CEP43: variants seen among roughly 807,000 people sequenced by gnomAD.
CEP43 encodes FGFR1 oncogene partner.
CEP43 carries 36 observed loss-of-function variants against 52.6 expected under a neutral mutation model. The ratio of observed to expected loss-of-function variants is 0.68; its 90% CI spans 0.52 to 0.90. The LOEUF is 0.90. Among genes scored for constraint, CEP43 ranks in the 40% least tolerant of loss-of-function variants. CEP43 has a pLI of 0.00. For missense variants in CEP43, 506 were observed against 472.8 expected, an observed-to-expected ratio of 1.07 and a Z score of -0.65; for synonymous variants, 192 against 172.4, an observed-to-expected ratio of 1.11 and a Z score of -0.89.
In CEP43 at chr6:167,022,603, T is replaced by G; in HGVS notation, c.774T>G (p.Asp258Glu). 6.2e-7 allele frequency: 1 copy of G among 1,614,060 alleles called. No individual in the cohort carries two copies. Among genetic ancestry groups the G allele is most frequent in the Non-Finnish European group, 8.5e-7 (1 of 1,179,904 alleles). The stretch of plus-strand genomic sequence containing the variant: ...TGGAAGGAGATTCTTTCTTTGATGA[T>G]CCCATTCCTAAGCCAGAGAAAACTT... The part of the protein sequence containing the change: ...DDMEGDSFFD[D>E]PIPKPEKTYG... The change falls in exon 8 of 13, where the codon GAT (aspartate) becomes GAG (glutamate). Residue 258 changes from aspartate to glutamate, a missense_variant. Coordinates refer to ENST00000366847, the MANE Select transcript of CEP43 (RefSeq NM_007045.4).
chr6:167,033,885 C>T lies in CEP43; in HGVS notation c.1039C>T (p.Arg347Cys), dbSNP rs759945438. The part of the protein sequence containing the change: ...YVDDFNSTSH[R>C]SEKSEISIGE... ...CCCTTCTGAAATTAGTACCAGCCAT[C>T]GCTCAGAGAAAAGTGAGATAAGTAT... The change falls in exon 12 of 13, where the codon CGC becomes TGC. Residue 347 changes from arginine (R) to cysteine (C), a missense_variant. Arg to Cys is a radical substitution (Grantham distance 180). Coordinates refer to ENST00000366847, the MANE Select transcript of CEP43 (RefSeq NM_007045.4). 10 of 1,567,284 alleles carry T rather than the reference C, an allele frequency of 6.4e-6. No homozygotes were observed. The highest frequency in any genetic ancestry group is 2.7e-5 in the African/African-American group (2 of 73,220).
chr6:167,026,454 A>T, intron 9 of CEP43, 93 bp from the exon 10 acceptor site: 3 of 760,240 alleles, frequency 3.9e-6, no homozygotes, highest in Admixed American at 2.0e-5. Context: ...TGTCATAAAG[A>T]AGCCCCATAT....
intron 8 of CEP43, 150 bp from the exon 9 acceptor site, chr6:167,024,632 T>C (rs571644652): frequency 2.0e-5 from 13 of 643,626 alleles, no homozygotes; most frequent in Non-Finnish European, 3.0e-5. Context: ...TGGTGTACTT[T>C]ATGGTTTTGA....
intron 10 of CEP43, among the ~76,000 whole-genome samples, chr6:167,028,837 G>A (rs931239730): frequency 6.6e-6 from 1 of 152,116 alleles, no homozygotes; most frequent in African/African-American, 2.4e-5. Flanking sequence ...TCATTTCAAT[G>A]GGAACATAAA....
chr6:167,013,596 G>A (rs764924584), intron 7 of CEP43, 29 bp downstream of exon 7: 1 of 1,600,912 alleles, frequency 6.2e-7, no homozygotes, highest in Non-Finnish European at 8.6e-7. Context: ...GAGGAGAAAA[G>A]CAGCCTGTGG....
At chr6:167,015,726 CT>C (rs1780082021) in intron 7 of CEP43, among the ~76,000 whole-genome samples, 1 of 152,084 alleles carries the variant, frequency 6.6e-6, no homozygotes, top group Non-Finnish European at 1.5e-5. Flanking sequence ...ACCCTTGGCA[CT>C]TTCTTCAGGG....
At chr6:167,018,788 AC>A (rs373630993) in intron 7 of CEP43, among the ~76,000 whole-genome samples, 5 of 152,314 alleles carry the variant, frequency 3.3e-5, no homozygotes, top group African/African-American at 9.6e-5. Context: ...TCCAGGTGAT[AC>A]AAAACCCAAG....
At chr6:166,999,829 G>C (rs1035549981) in intron 1 of CEP43, 1 of 561,222 alleles carries the variant, frequency 1.8e-6, no homozygotes, top group Non-Finnish European at 3.1e-6. Context: ...TGCGGCCCCA[G>C]CGTCTCTTCC....
At chr6:167,000,990 G>T (rs1779722232) in intron 2 of CEP43, among the ~76,000 whole-genome samples, 1 of 152,224 alleles carries the variant, frequency 6.6e-6, no homozygotes, top group Non-Finnish European at 1.5e-5. Context: ...AACCTGGTTA[G>T]GTCCTGAGCA....
Position 167,043,614 on chromosome 6 carries a change from C to T in CEP43, c.*3636C>T, listed in dbSNP as rs1343326505. The T allele has an allele frequency of 6.6e-6, 1 of 151,964 alleles. No homozygotes were observed. The highest frequency in any genetic ancestry group is 2.4e-5 in the African/African-American group (1 of 41,334). 9.4% of individuals were successfully genotyped at this position (151,964 alleles called of 1,614,324 possible). ...GCCAGGCTGGTCTCAAACTCCTGAC[C>T]TCAGGTGATCCACCCGCCTCAGCCT... On this transcript the variant is annotated 3_prime_UTR_variant, in exon 13 of 13. Coordinates refer to ENST00000366847, the MANE Select transcript of CEP43 (RefSeq NM_007045.4).
intron 7 of CEP43, among the ~76,000 whole-genome samples, chr6:167,016,110 G>A (rs1410254245): frequency 6.6e-6 from 1 of 150,776 alleles, no homozygotes; most frequent in African/African-American, 2.4e-5. Flanking sequence ...ACTTTTGATA[G>A]GCCCTACTAG....
chr6:167,004,204 A>G (rs1779800304), intron 4 of CEP43, 60 bp from the exon 5 acceptor site: 2 of 1,511,166 alleles, frequency 1.3e-6, no homozygotes, highest in Admixed American at 2.1e-5. Flanking sequence ...TATCTTCTTT[A>G]CTCCTTGAGA....
intron 7 of CEP43, among the ~76,000 whole-genome samples, chr6:167,016,990 A>T (rs1054026653): frequency 7.4e-5 from 11 of 148,762 alleles, no homozygotes; most frequent in South Asian, 2.1e-4. Flanking sequence ...TTATTTATTT[A>T]TTTTTTTTTT....
At chr6:167,039,587 A>G (rs1483235218) in intron 12 of CEP43, among the ~76,000 whole-genome samples, 3 of 152,214 alleles carry the variant, frequency 2.0e-5, no homozygotes, top group East Asian at 1.9e-4. Flanking sequence ...TCTTTTTCAT[A>G]TAATGACTTC....
intron 3 of CEP43, 57 bp from the exon 4 acceptor site, chr6:167,003,666 T>TA: frequency 1.9e-6 from 2 of 1,052,710 alleles, no homozygotes; most frequent in East Asian, 4.8e-5. Context: ...ATAATGTTAA[T>TA]TTAAAAAATT....
At chr6:167,024,917 T>C (rs1389048376) in intron 9 of CEP43, 23 bp downstream of exon 9, 1 of 1,275,184 alleles carries the variant, frequency 7.8e-7, no homozygotes, top group Middle Eastern at 1.9e-4. Flanking sequence ...AGATGTGGAC[T>C]TCAATACTCG....
At position 167,010,879 on chromosome 6, in the gene CEP43, A is replaced by G. The variant is rs1260863681; in HGVS notation, c.505A>G (p.Thr169Ala). The G allele has an allele frequency of 3.1e-6, 5 of 1,596,906 alleles. No homozygotes were observed. The highest frequency in any genetic ancestry group is 4.3e-6 in the Non-Finnish European group (5 of 1,171,352). Residue 169 changes from threonine (T) to alanine (A), a missense_variant, in exon 6 of 13, where the codon ACA becomes GCA. Transcript: ENST00000366847. ...KSPEGKTSAQ[T>A]TPSKIPRYKG... is the part of the protein sequence containing the mutation. ...ACCAGAGGGAAAAACAAGTGCACAG[A>G]CAACACCAAGTAAGGTGAGTTAGCT...
intron 5 of CEP43, among the ~76,000 whole-genome samples, chr6:167,009,118 G>A (rs1344903369): frequency 6.4e-5 from 3 of 46,900 alleles, no homozygotes; most frequent in East Asian, 9.1e-4. Flanking sequence ...AATGTTGGGC[G>A]CGGTGGCTCA....
Position 167,019,645 on chromosome 6 carries a change from T to G in CEP43, c.580-2764T>G, listed in dbSNP as rs963593558. Among the ~76,000 whole-genome samples the G allele has an allele frequency of 3.3e-5, 5 of 152,228 alleles. 1 individual carries two copies. In the South Asian group the frequency reaches 6.2e-4, roughly 19 times the overall value. The stretch of plus-strand genomic sequence containing the variant: ...GATTAAGAGAACTATATTTTTAAAA[T>G]AATTCTGTTATGTTTACAAGTATGT... On this transcript the variant is annotated intron_variant, in intron 7 of 12. Coordinates refer to ENST00000366847, the MANE Select transcript of CEP43 (RefSeq NM_007045.4).
Sources: allele counts gnomAD v4.1 joint callset (sites outside exome capture counted in the v4.1 genomes callset), GRCh38; gene constraint gnomAD v4.1.1; transcripts MANE v1.5; gene names NCBI Gene and HGNC (gene_info 2026-07-23, HGNC 2026-07-21).